The following NAV3 variants were observed in gnomAD, a reference collection of about 807,000 sequenced individuals.
NAV3 encodes the protein pore membrane and/or filament interacting like protein 1.
A neutral mutation model predicts 244.7 loss-of-function variants in NAV3; 87 were observed. The ratio of observed to expected loss-of-function variants is 0.36; its 90% CI spans 0.30 to 0.42. NAV3 has a LOEUF of 0.42. Among genes scored for constraint, NAV3 ranks in the 20% least tolerant of loss-of-function variants. The probability of loss-of-function intolerance (pLI) is 1.00; values close to 1 mark genes in which losing one functional copy is unlikely to be tolerated. For synonymous variants in NAV3, 1,126 were observed against 1,042.2 expected (o/e 1.08, Z -1.55); for missense variants, 2,663 against 2,893.3 (o/e 0.92, Z 1.83).
intron 1 of NAV3, among the ~76,000 whole-genome samples, chr12:77,860,065 T>A (rs1000605373): frequency 6.6e-6 from 1 of 151,854 alleles, no homozygotes; most frequent in African/African-American, 2.4e-5. Flanking sequence ...CAAGATTTAT[T>A]AAGTGGAAAA....
At chr12:77,863,447 G>C (rs1490094020) in intron 1 of NAV3, among the ~76,000 whole-genome samples, 1 of 151,522 alleles carries the variant, frequency 6.6e-6, no homozygotes, top group East Asian at 1.9e-4. Flanking sequence ...ACAAATTTTT[G>C]AAGTCTTCAT....
chr12:78,101,303 A>C (rs1269829926), intron 12 of NAV3, among the ~76,000 whole-genome samples: 2 of 152,206 alleles, frequency 1.3e-5, no homozygotes, highest in Non-Finnish European at 2.9e-5. Context: ...GATGTGGAAG[A>C]GGTAAAGTGT....
At chr12:78,003,508 T>C (rs1873683648) in intron 7 of NAV3, among the ~76,000 whole-genome samples, 2 of 152,214 alleles carry the variant, frequency 1.3e-5, no homozygotes, top group Admixed American at 1.3e-4. Context: ...TGGAACCTAG[T>C]TTACTTTTGT....
intron 9 of NAV3, among the ~76,000 whole-genome samples, chr12:78,044,836 A>T (rs1337727016): frequency 1.3e-5 from 2 of 152,136 alleles, no homozygotes; most frequent in Admixed American, 1.3e-4. Context: ...TTGGCTGAGA[A>T]GATGGGGTTT....
intron 2 of NAV3, among the ~76,000 whole-genome samples, chr12:77,798,997 T>G (rs1302286769): frequency 2.6e-5 from 4 of 152,220 alleles, no homozygotes; most frequent in African/African-American, 9.6e-5. Context: ...TGATTGCACT[T>G]CTGCATTTGC....
chr12:77,968,491 C>A, intron 4 of NAV3, 28 bp from the exon 5 acceptor site: 2 of 1,561,068 alleles, frequency 1.3e-6, no homozygotes, highest in Non-Finnish European at 1.8e-6. Context: ...ACATATGATT[C>A]TTTTTTTGTA....
chr12:77,769,534 T>TA lies in NAV3; in HGVS notation c.73-170781dup, dbSNP rs199972725. Among the ~76,000 whole-genome samples the TA allele has an allele frequency of 4.8e-3, 733 of 152,310 alleles. 5 individuals carry two copies. Among genetic ancestry groups the TA allele is most frequent in the Middle Eastern group, 0.024 (7 of 294 alleles). ...GCTTTCTCTATACATTTTTTTATTC[T>TA]AAAAGAGTAAATAGTATCAAACAAA... is the stretch of plus-strand genomic sequence containing the variant. On this transcript the variant is annotated intron_variant, in intron 2 of 8. Transcript: ENST00000550042.
chr12:77,936,647 T>C (rs1301417137), intron 1 of NAV3, among the ~76,000 whole-genome samples: 1 of 152,170 alleles, frequency 6.6e-6, no homozygotes. Flanking sequence ...GAAACTAAAA[T>C]GTTAAATACT....
chr12:77,771,771 G>C (rs1334606179), intron 2 of NAV3, among the ~76,000 whole-genome samples: 1 of 152,080 alleles, frequency 6.6e-6, no homozygotes, highest in East Asian at 1.9e-4. Flanking sequence ...GTGGGGTTGG[G>C]GGAGAGGGGA....
At chr12:77,901,554 A>G (rs1372760711) in intron 1 of NAV3, among the ~76,000 whole-genome samples, 7 of 152,060 alleles carry the variant, frequency 4.6e-5, no homozygotes, top group East Asian at 1.9e-4. Context: ...TACTAAAAAT[A>G]CAAAAATTAA....
At chr12:78,042,044 A>G (rs1162900358) in intron 9 of NAV3, among the ~76,000 whole-genome samples, 1 of 151,388 alleles carries the variant, frequency 6.6e-6, no homozygotes, top group Non-Finnish European at 1.5e-5. Context: ...CTCTTAATCT[A>G]TCCATTCCAA....
intron 21 of NAV3, among the ~76,000 whole-genome samples, chr12:78,148,400 GA>G (rs1351830096): frequency 6.6e-6 from 1 of 150,982 alleles, no homozygotes; most frequent in Non-Finnish European, 1.5e-5. Context: ...AAAATGTACA[GA>G]GGAAAAAAAA....
chr12:77,592,524 T>A (rs1254646589), intron 2 of NAV3, among the ~76,000 whole-genome samples: 1 of 152,142 alleles, frequency 6.6e-6, no homozygotes, highest in Non-Finnish European at 1.5e-5. Flanking sequence ...AGACATCCAA[T>A]CGTGCTCACA....
At chr12:77,896,799 T>A (rs1046583542) in intron 1 of NAV3, among the ~76,000 whole-genome samples, 3 of 152,144 alleles carry the variant, frequency 2.0e-5, no homozygotes, top group African/African-American at 2.4e-5. Context: ...CCTAAGTATT[T>A]TAGGAGAGCC....
intron 2 of NAV3, among the ~76,000 whole-genome samples, chr12:77,606,170 G>A (rs970983170): frequency 3.3e-5 from 5 of 152,066 alleles, no homozygotes; most frequent in East Asian, 1.9e-4. Context: ...AGTCTTTATC[G>A]TGACACACAA....
At chr12:77,657,400 A>C (rs1174776762) in intron 2 of NAV3, among the ~76,000 whole-genome samples, 6 of 152,208 alleles carry the variant, frequency 3.9e-5, no homozygotes, top group Non-Finnish European at 8.8e-5. Context: ...TCCCAAGACT[A>C]AACCAGGAAG....
intron 2 of NAV3, among the ~76,000 whole-genome samples, chr12:77,755,944 T>A (rs1027955736): frequency 3.3e-5 from 5 of 152,080 alleles, no homozygotes; most frequent in Admixed American, 6.6e-5. Context: ...TTTAAATATC[T>A]TATTGTCCTG....
intron 2 of NAV3, among the ~76,000 whole-genome samples, chr12:77,711,885 C>T (rs1437346334): frequency 1.3e-5 from 2 of 152,130 alleles, no homozygotes; most frequent in Non-Finnish European, 2.9e-5. Flanking sequence ...ATTTGTGTCT[C>T]CTGTATTTGG....
At chr12:77,899,292 T>C (rs917841698) in intron 1 of NAV3, among the ~76,000 whole-genome samples, 2 of 152,252 alleles carry the variant, frequency 1.3e-5, no homozygotes, top group African/African-American at 4.8e-5. Flanking sequence ...GGTAAAATGC[T>C]ATCCAACAGC....
Sources: gnomAD v4.1 joint callset for allele counts (sites outside exome capture counted in the v4.1 genomes callset) on GRCh38, gnomAD v4.1.1 for gene constraint, MANE v1.5 for transcripts, NCBI Gene and HGNC (gene_info 2026-07-23, HGNC 2026-07-21) for gene names.